The following CAPS2 variants were observed in gnomAD, a reference collection of about 807,000 sequenced individuals.
CAPS2 encodes calcyphosine 2.
A neutral mutation model predicts 86.5 loss-of-function variants in CAPS2; 98 were observed. The observed-to-expected ratio is 1.13, with a 90% CI of 0.96 to 1.34. The LOEUF (loss-of-function observed/expected upper bound fraction) is 1.34, where lower values mean the gene tolerates loss of function less well. Among genes scored for constraint, CAPS2 ranks in the 40% most tolerant of loss-of-function variants. The pLI is 0.00. For synonymous variants in CAPS2, 210 were observed against 225.1 expected, an observed-to-expected ratio of 0.93 and a Z score of 0.60; for missense variants, 729 against 686.8, an observed-to-expected ratio of 1.06 and a Z score of -0.69.
At chr12:75,390,685 G>A (rs2045543707) in intron 1 of CAPS2, among the ~76,000 whole-genome samples, 1 of 152,120 alleles carries the variant, frequency 6.6e-6, no homozygotes, top group South Asian at 2.1e-4. Context: ...CATTTCACCT[G>A]GCACAATTAG....
chr12:75,367,232 C>A (rs1411729534), intron 1 of CAPS2, among the ~76,000 whole-genome samples: 2 of 115,362 alleles, frequency 1.7e-5, no homozygotes, highest in Non-Finnish European at 3.4e-5. Context: ...TACCTCTAAA[C>A]TAGAATTAGG....
rs1289817471 is a variant in CAPS2, at chr12:75,298,867, A to C, written c.950+4T>G. Reference sequence around the variant, plus strand: ...CAGAGTTCTAACAATGTTTAATGGCATACCTATTTTTCCCAAATTGTCGAT... The same window carrying C: ...CAGAGTTCTAACAATGTTTAATGGCCTACCTATTTTTCCCAAATTGTCGAT... On this transcript the variant is annotated splice_donor_region_variant and intron_variant, in intron 10 of 16. Transcript: ENST00000393284. 2.1e-5 allele frequency: 34 copies of C among 1,605,090 alleles called. No individual in the cohort carries two copies. Among genetic ancestry groups the C allele is most frequent in the Non-Finnish European group, 2.8e-5 (33 of 1,173,506 alleles).
intron 4 of CAPS2, among the ~76,000 whole-genome samples, chr12:75,322,252 T>C (rs1388962618): frequency 1.3e-5 from 2 of 151,814 alleles, no homozygotes; most frequent in East Asian, 3.9e-4. Context: ...TCCATGCGAG[T>C]GAGAGATAAT....
intron 6 of CAPS2, among the ~76,000 whole-genome samples, chr12:75,315,028 A>T (rs1565883800): frequency 6.6e-6 from 1 of 152,230 alleles, no homozygotes; most frequent in Non-Finnish European, 1.5e-5. Flanking sequence ...GTTTTCACCT[A>T]CATTTTAAAA....
intron 1 of CAPS2, among the ~76,000 whole-genome samples, chr12:75,381,626 T>C (rs924368710): frequency 2.0e-5 from 3 of 146,906 alleles, no homozygotes; most frequent in Admixed American, 1.4e-4. Flanking sequence ...TTTTTTTTTT[T>C]TTTTTTTGAG....
chr12:75,314,623 G>A (rs993806591), intron 6 of CAPS2, among the ~76,000 whole-genome samples: 2 of 151,410 alleles, frequency 1.3e-5, no homozygotes, highest in African/African-American at 4.9e-5. Flanking sequence ...AGTAAAGCAA[G>A]GTATTTTTTT....
chr12:75,349,613 C>T (rs1429285801), intron 1 of CAPS2, among the ~76,000 whole-genome samples: 1 of 151,808 alleles, frequency 6.6e-6, no homozygotes, highest in East Asian at 1.9e-4. Flanking sequence ...AAATGTTAAG[C>T]AAAGATATGA....
At chr12:75,344,021 C>A (rs878911365) in intron 1 of CAPS2, 11 of 1,182,038 alleles carry the variant, frequency 9.3e-6, no homozygotes, top group Middle Eastern at 3.0e-4. Context: ...ATGTAAAGTG[C>A]CTTTATTTTT....
intron 14 of CAPS2, among the ~76,000 whole-genome samples, chr12:75,285,421 C>G (rs1163894990): frequency 1.3e-5 from 2 of 151,892 alleles, no homozygotes; most frequent in Non-Finnish European, 2.9e-5. Context: ...ATAATACAAT[C>G]ATATCTATCA....
chr12:75,384,495 A>G (rs1401549436), intron 1 of CAPS2, among the ~76,000 whole-genome samples: 1 of 152,210 alleles, frequency 6.6e-6, no homozygotes, highest in African/African-American at 2.4e-5. Flanking sequence ...TATTTAAGAA[A>G]TTTAATTGAT....
intron 11 of CAPS2, chr12:75,298,451 T>C (rs558577539): frequency 6.4e-6 from 3 of 471,608 alleles, no homozygotes; most frequent in South Asian, 8.3e-5. Flanking sequence ...TGTTGTGGAA[T>C]GGGAAGGGGG....
At chr12:75,351,916 G>A (rs940655619) in intron 1 of CAPS2, among the ~76,000 whole-genome samples, 2 of 152,052 alleles carry the variant, frequency 1.3e-5, no homozygotes, top group African/African-American at 4.8e-5. Flanking sequence ...AACATCATAA[G>A]CGAAGGAGAA....
intron 1 of CAPS2, among the ~76,000 whole-genome samples, chr12:75,362,633 G>A (rs912004784): frequency 1.3e-5 from 2 of 152,078 alleles, no homozygotes; most frequent in Admixed American, 6.6e-5. Flanking sequence ...AAGAGGCTTT[G>A]AAAAATTTAT....
At chr12:75,342,825 T>G (rs2042205651) in intron 1 of CAPS2, among the ~76,000 whole-genome samples, 1 of 152,118 alleles carries the variant, frequency 6.6e-6, no homozygotes, top group South Asian at 2.1e-4. Flanking sequence ...CTCCATTTAT[T>G]TAAGTCTTTT....
rs942278880 is a variant in CAPS2, at chr12:75,321,530, C to T, written c.338G>A (p.Cys113Tyr). 6 of 1,549,094 alleles carry T rather than the reference C, an allele frequency of 3.9e-6. No homozygotes were observed. In the East Asian group the frequency reaches 1.2e-4, roughly 32 times the overall value. Residue 113 changes from cysteine (C) to tyrosine (Y), a missense_variant, in exon 5 of 17, where the codon TGT (cysteine) becomes TAT (tyrosine). Physicochemically the swap from Cys to Tyr is radical, Grantham distance 194. Transcript: ENST00000393284. ...TTTACATTGCTGATATTTTAGTTTA[C>T]ATTTGTCTGTTGGTGCTGGCAAATT...
upstream of CAPS2, among the ~76,000 whole-genome samples, chr12:75,327,593 C>A (rs1215683490): frequency 6.6e-6 from 1 of 151,748 alleles, no homozygotes; most frequent in Non-Finnish European, 1.5e-5. Flanking sequence ...GGAAAGATAG[C>A]ATGGCATCCT....
At chr12:75,369,150 C>A (rs1049657141) in intron 1 of CAPS2, among the ~76,000 whole-genome samples, 1 of 151,770 alleles carries the variant, frequency 6.6e-6, no homozygotes, top group African/African-American at 2.4e-5. Flanking sequence ...GGTGATTAAG[C>A]GTATTAAATA....
upstream of CAPS2, among the ~76,000 whole-genome samples, chr12:75,330,973 G>C (rs892838320): frequency 1.3e-5 from 2 of 151,970 alleles, no homozygotes; most frequent in African/African-American, 4.8e-5. Flanking sequence ...TTTATATAGA[G>C]GGGGTTTCAC....
chr12:75,313,267 G>T (rs962275090), intron 6 of CAPS2, among the ~76,000 whole-genome samples: 2 of 152,060 alleles, frequency 1.3e-5, no homozygotes, highest in Non-Finnish European at 2.9e-5. Context: ...CCTGCAAAAG[G>T]CATCTTAACC....
Sources: allele counts gnomAD v4.1 joint callset (sites outside exome capture counted in the v4.1 genomes callset), GRCh38; gene constraint gnomAD v4.1.1; transcripts MANE v1.5; gene names NCBI Gene and HGNC (gene_info 2026-07-23, HGNC 2026-07-21).